ZFP91: variants seen among roughly 807,000 people sequenced by gnomAD.
ZFP91 encodes ZFP91 zinc finger protein, atypical E3 ubiquitin ligase, also known as E3 ubiquitin-protein ligase ZFP91.
A neutral mutation model predicts 63.5 loss-of-function variants in ZFP91; 7 were observed. The ratio of observed to expected loss-of-function variants is 0.11; its 90% CI spans 0.06 to 0.21. ZFP91 has a LOEUF of 0.21. Ranked by LOEUF, ZFP91 falls within the 10% of genes least tolerant of loss-of-function variation. ZFP91 has a pLI of 1.00. For synonymous variants in ZFP91, 330 were observed against 272.1 expected (o/e 1.21, Z -2.10); for missense variants, 628 against 736.6 (o/e 0.85, Z 1.71).
intron 5 of ZFP91, chr11:58,611,274 TA>T (rs1391987253): frequency 4.1e-6 from 2 of 483,672 alleles, no homozygotes; most frequent in South Asian, 9.6e-5. Context: ...TACAAGTTTT[TA>T]TGAGTCTGCA....
chr11:58,610,233 A>G (rs1855637066), intron 3 of ZFP91, 65 bp from the exon 4 acceptor site: 5 of 1,531,842 alleles, frequency 3.3e-6, no homozygotes, highest in South Asian at 1.2e-5. Context: ...GCATTTCTTG[A>G]CTGCAGAGAG....
At chr11:58,602,841 A>G (rs1855512357) in intron 2 of ZFP91, among the ~76,000 whole-genome samples, 1 of 152,092 alleles carries the variant, frequency 6.6e-6, no homozygotes, top group Non-Finnish European at 1.5e-5. Flanking sequence ...ATTTTGAGGT[A>G]TGGTGCATGC....
chr11:58,613,339 A>G (rs373378650), intron 8 of ZFP91, among the ~76,000 whole-genome samples: 2 of 152,150 alleles, frequency 1.3e-5, no homozygotes, highest in South Asian at 2.1e-4. Flanking sequence ...TCCAATGATA[A>G]TATCAACCCA....
Position 58,617,928 on chromosome 11 carries a change from A to T in ZFP91, c.*222A>T, listed in dbSNP as rs900677307. On this transcript the variant is annotated 3_prime_UTR_variant, in exon 11 of 11. Transcript: ENST00000316059. The surrounding 1 kb of genome is among the most constrained non-coding windows in gnomAD (Gnocchi z 4.2). ...AAAATTGATGTTGTCTTTACCAGAA[A>T]GGTAGACAAAAAAGAAGCAGCAGCA... 2.0e-6 allele frequency: 1 copy of T among 500,632 alleles called. No homozygotes were observed. The highest frequency in any genetic ancestry group is 4.5e-5 in the Admixed American group (1 of 22,466). The allele number at this position is 500,632 out of a possible 1,614,324, so 31.0% of individuals were successfully genotyped here.
At chr11:58,595,302 G>A (rs781622804) in intron 2 of ZFP91, among the ~76,000 whole-genome samples, 1 of 152,148 alleles carries the variant, frequency 6.6e-6, no homozygotes, top group African/African-American at 2.4e-5. Context: ...CTTAAAGAGA[G>A]ATTTGAAGAC....
intron 8 of ZFP91, among the ~76,000 whole-genome samples, chr11:58,613,735 C>T (rs887411909): frequency 6.6e-6 from 1 of 151,978 alleles, no homozygotes; most frequent in African/African-American, 2.4e-5. Flanking sequence ...GATGAGTAAA[C>T]GTACCACTTA....
intron 2 of ZFP91, among the ~76,000 whole-genome samples, chr11:58,608,803 C>T (rs7927966): frequency 0.21 from 31,950 of 151,990 alleles, 3,606 homozygotes; most frequent in Middle Eastern, 0.36. Context: ...CGGGGTTTCA[C>T]CACGTTGGCC....
At chr11:58,584,921 C>T in intron 2 of ZFP91, 37 bp downstream of exon 2, 3 of 1,425,756 alleles carry the variant, frequency 2.1e-6, no homozygotes, top group Non-Finnish European at 2.8e-6. Context: ...GCGTACATTA[C>T]ACTGATTATC....
chr11:58,584,996 T>A (rs988814950), intron 2 of ZFP91, 112 bp downstream of exon 2: 32 of 842,762 alleles, frequency 3.8e-5, no homozygotes, highest in Non-Finnish European at 4.8e-5. Flanking sequence ...TTTTATTTGG[T>A]AAAAAATTAC....
chr11:58,608,056 T>C (rs1411204170), intron 2 of ZFP91, among the ~76,000 whole-genome samples: 1 of 151,840 alleles, frequency 6.6e-6, no homozygotes, highest in East Asian at 2.0e-4. Context: ...AATGTTATTA[T>C]AGTATGTAAG....
intron 2 of ZFP91, among the ~76,000 whole-genome samples, chr11:58,603,118 T>C (rs1233330431): frequency 6.6e-6 from 1 of 152,226 alleles, no homozygotes. Context: ...AGGTGATCCT[T>C]GTTATAAAGT....
chr11:58,603,782 C>G (rs1221817246), intron 2 of ZFP91, among the ~76,000 whole-genome samples: 1 of 152,204 alleles, frequency 6.6e-6, no homozygotes, highest in Non-Finnish European at 1.5e-5. Flanking sequence ...TTTGGACTAA[C>G]TTGGGACCCC....
At chr11:58,610,880 T>A in intron 4 of ZFP91, 70 bp from the exon 5 acceptor site, 3 of 1,434,650 alleles carry the variant, frequency 2.1e-6, no homozygotes, top group Non-Finnish European at 1.9e-6. Context: ...CTTAAAAAAT[T>A]ACCAAATAAA....
intron 2 of ZFP91, 79 bp from the exon 3 acceptor site, chr11:58,609,751 T>C: frequency 8.3e-7 from 1 of 1,199,860 alleles, no homozygotes; most frequent in South Asian, 1.3e-5. Flanking sequence ...TCTTCAACTG[T>C]ATTTACAATT....
intron 2 of ZFP91, among the ~76,000 whole-genome samples, chr11:58,589,534 A>G (rs1006081282): frequency 1.6e-4 from 25 of 152,378 alleles, no homozygotes; most frequent in South Asian, 1.4e-3. Flanking sequence ...ATGGAAAACA[A>G]AGTGCAGCTA....
At chr11:58,587,252 A>G (rs189377438) in intron 2 of ZFP91, among the ~76,000 whole-genome samples, 107 of 152,326 alleles carry the variant, frequency 7.0e-4, no homozygotes, top group African/African-American at 2.3e-3. Context: ...GTGTTAATTC[A>G]TTCAACAGGT....
At chr11:58,603,808 C>A (rs1234874685) in intron 2 of ZFP91, among the ~76,000 whole-genome samples, 2 of 152,138 alleles carry the variant, frequency 1.3e-5, no homozygotes, top group African/African-American at 4.8e-5. Context: ...CTTTTTCCCC[C>A]CTTCTATTTT....
chr11:58,609,140 G>A (rs960441998), intron 2 of ZFP91, among the ~76,000 whole-genome samples: 2 of 152,102 alleles, frequency 1.3e-5, no homozygotes, highest in African/African-American at 4.8e-5. Context: ...CAGTTTCTGA[G>A]ATTAACTTTT....
chr11:58,586,266 G>A (rs1258663665), intron 2 of ZFP91, among the ~76,000 whole-genome samples: 2 of 152,184 alleles, frequency 1.3e-5, no homozygotes, highest in Non-Finnish European at 2.9e-5. Flanking sequence ...GGGTTGCCTT[G>A]AGGCGAACTT....
Sources: gnomAD v4.1 joint callset for allele counts (sites outside exome capture counted in the v4.1 genomes callset) on GRCh38, gnomAD v4.1.1 for gene constraint, Gnocchi (gnomAD v3.1) non-coding constraint, MANE v1.5 for transcripts, NCBI Gene and HGNC (gene_info 2026-07-23, HGNC 2026-07-21) for gene names.